The following DTX4 variants were observed in gnomAD, a reference collection of about 807,000 sequenced individuals.
The protein encoded by DTX4 is E3 ubiquitin-protein ligase DTX4.
DTX4 carries 28 observed loss-of-function variants against 57.6 expected under a neutral mutation model. The ratio of observed to expected loss-of-function variants is 0.49; its 90% confidence interval spans 0.36 to 0.67. The LOEUF is 0.67. Ranked by LOEUF, DTX4 falls within the 30% of genes least tolerant of loss-of-function variation. DTX4 has a pLI of 0.00. For missense variants in DTX4, 715 were observed against 836.8 expected (o/e 0.85, Z 1.80); for synonymous variants, 316 against 331.0 (o/e 0.95, Z 0.49).
At chr11:59,195,862 C>A (rs1862661130) in intron 7 of DTX4, among the ~76,000 whole-genome samples, 1 of 152,220 alleles carries the variant, frequency 6.6e-6, no homozygotes, top group South Asian at 2.1e-4. Context: ...GTGAATATAT[C>A]TGTAGAATAA....
chr11:59,193,569 T>G (rs1862626108), intron 6 of DTX4, among the ~76,000 whole-genome samples: 1 of 152,240 alleles, frequency 6.6e-6, no homozygotes, highest in South Asian at 2.1e-4. Context: ...TGTTCCCTAT[T>G]TGATGTCTAT....
At chr11:59,193,845 G>A (rs1862629730) in intron 6 of DTX4, among the ~76,000 whole-genome samples, 1 of 152,216 alleles carries the variant, frequency 6.6e-6, no homozygotes, top group Non-Finnish European at 1.5e-5. Flanking sequence ...CGAGTAGACT[G>A]GAGAAGTCCC....
chr11:59,178,312 A>G (rs1862420292), intron 1 of DTX4, among the ~76,000 whole-genome samples: 3 of 152,162 alleles, frequency 2.0e-5, no homozygotes, highest in Admixed American at 2.0e-4. Context: ...AAGTCATGGA[A>G]GGGATTTACG....
At chr11:59,188,016 T>A (rs1862548621) in intron 2 of DTX4, among the ~76,000 whole-genome samples, 1 of 152,234 alleles carries the variant, frequency 6.6e-6, no homozygotes, top group Non-Finnish European at 1.5e-5. Context: ...CTGGTCTGGA[T>A]CTGGGACCTT....
intron 1 of DTX4, 114 bp from the exon 2 acceptor site, chr11:59,181,625 A>C (rs1862462605): frequency 2.1e-6 from 3 of 1,423,882 alleles, no homozygotes; most frequent in African/African-American, 1.4e-5. Flanking sequence ...TGCCCAGTAC[A>C]CAGTAGGACT....
chr11:59,191,786 G>T (rs974350906), intron 5 of DTX4, among the ~76,000 whole-genome samples: 21 of 152,176 alleles, frequency 1.4e-4, no homozygotes, highest in African/African-American at 5.1e-4. Flanking sequence ...GCTCCTCAGT[G>T]GGCTTGTTGA....
intron 1 of DTX4, among the ~76,000 whole-genome samples, chr11:59,176,814 A>G (rs1286282318): frequency 6.6e-6 from 1 of 152,122 alleles, no homozygotes; most frequent in African/African-American, 2.4e-5. Flanking sequence ...AACATCCTCA[A>G]TCCCTATCCT....
At position 59,172,153 on chromosome 11, in the gene DTX4, C is replaced by G. The variant is rs1862332046; in HGVS notation, c.-443C>G. Reference sequence around the variant, plus strand: ...TGCCATTCCGAGCGCGGCCGTGCGGCGAGATCCCACCCCGGCGTCTGCAGA... The same window carrying G: ...TGCCATTCCGAGCGCGGCCGTGCGGGGAGATCCCACCCCGGCGTCTGCAGA... On this transcript the variant is annotated 5_prime_UTR_variant, in exon 1 of 9. Coordinates refer to ENST00000227451, the MANE Select transcript of DTX4 (RefSeq NM_015177.2). Among the ~76,000 whole-genome samples the G allele has an allele frequency of 6.6e-6, 1 of 151,948 alleles. No homozygotes were observed. The highest frequency in any genetic ancestry group is 1.5e-5 in the Non-Finnish European group (1 of 67,966).
In DTX4 at chr11:59,179,870, TTCTC is replaced by T. The variant is rs569279269; in HGVS notation, c.212-1861_212-1858del. ...CCTGTGTCAGTTATATAGAAACTTT[TTCTC>T]TCTCTCTTTCTTACACCCCCTACCA... On this transcript the variant is annotated intron_variant, in intron 1 of 8. Coordinates refer to ENST00000227451, the MANE Select transcript of DTX4 (RefSeq NM_015177.2). Among the ~76,000 whole-genome samples the T allele has an allele frequency of 4.0e-5, 6 of 151,500 alleles. No homozygotes were observed. In the South Asian group the frequency reaches 1.3e-3, roughly 32 times the overall value.
At chr11:59,179,737 C>T (rs980948961) in intron 1 of DTX4, among the ~76,000 whole-genome samples, 2 of 152,192 alleles carry the variant, frequency 1.3e-5, no homozygotes, top group Admixed American at 6.5e-5. Flanking sequence ...GCAGAGTGGG[C>T]GAGTCATCTC....
chr11:59,200,874 A>G (rs1465453288), intron 8 of DTX4, among the ~76,000 whole-genome samples: 2 of 152,182 alleles, frequency 1.3e-5, no homozygotes, highest in African/African-American at 4.8e-5. Context: ...TTTCTCTCCA[A>G]ATTTCCGCTG....
intron 4 of DTX4, among the ~76,000 whole-genome samples, chr11:59,190,517 C>T (rs1447171655): frequency 6.6e-6 from 1 of 152,114 alleles, no homozygotes; most frequent in African/African-American, 2.4e-5. Context: ...TTTAAGAGTC[C>T]AGTCCCCTGA....
At chr11:59,184,813 C>T (rs1029566008) in intron 2 of DTX4, among the ~76,000 whole-genome samples, 18 of 152,166 alleles carry the variant, frequency 1.2e-4, no homozygotes, top group Non-Finnish European at 2.2e-4. Flanking sequence ...GAGGGAGGCC[C>T]CTGCCTACTC....
In DTX4 at chr11:59,204,827, A is replaced by T; in HGVS notation, c.1778A>T (p.Asp593Val). 1 of 1,611,112 alleles carries T rather than the reference A, an allele frequency of 6.2e-7. No homozygotes were observed. Among genetic ancestry groups the T allele is most frequent in the Non-Finnish European group, 8.5e-7 (1 of 1,178,578 alleles). ...AATCTCACTGGCCATGGCTACCCAG[A>T]TGCCAATTACCTGGATAATGTGCTG... ...GSNLTGHGYPDANYLDNVLAE... is the reference protein window; with the variant it reads ...GSNLTGHGYPVANYLDNVLAE... The change falls in exon 9 of 9, where the codon GAT becomes GTT. Residue 593 changes from aspartate to valine, a missense_variant. Asp to Val is a radical substitution (Grantham distance 152, BLOSUM62 -3). Transcript: ENST00000227451.
chr11:59,176,783 C>T (rs567485098), intron 1 of DTX4, among the ~76,000 whole-genome samples: 1 of 152,184 alleles, frequency 6.6e-6, no homozygotes. Context: ...TTTCTTTCTC[C>T]TTCTTCATCC....
chr11:59,204,878 C>A lies in DTX4; in HGVS notation c.1829C>A (p.Ser610Tyr). 1 of 1,592,972 alleles carries A rather than the reference C, an allele frequency of 6.3e-7. No homozygotes were observed. Among genetic ancestry groups the A allele is most frequent in the Non-Finnish European group, 8.6e-7 (1 of 1,169,230 alleles). Residue 610 changes from serine (S) to tyrosine (Y), a missense_variant, in exon 9 of 9, where the codon TCT becomes TAT. Coordinates refer to ENST00000227451, the MANE Select transcript of DTX4 (RefSeq NM_015177.2). ...GCTGAACTGGCTGCCCAGGGCATCT[C>A]TGAGGACAGCACTGCCCAGGAGAAG... Reference protein sequence around the residue: ...VLAELAAQGISEDSTAQEKD With the variant: ...VLAELAAQGIYEDSTAQEKD
At position 59,195,215 on chromosome 11, in the gene DTX4, G is replaced by T. The variant is rs1862648732; in HGVS notation, c.1382G>T (p.Ser461Ile). ...AMYNNGNKDG[S>I]LQCPTCKTIY... ...CTGGCCTTGGCCCCTCAGGATGGAA[G>T]TTTGCAGTGTCCAACCTGCAAGACC... Residue 461 changes from serine to isoleucine, a missense_variant, in exon 7 of 9, where the codon AGT (serine) becomes ATT (isoleucine). Transcript: ENST00000227451. The T allele has an allele frequency of 6.2e-7, 1 of 1,614,006 alleles. No individual in the cohort carries two copies. The highest frequency in any genetic ancestry group is 8.5e-7 in the Non-Finnish European group (1 of 1,179,886).
intron 5 of DTX4, 37 bp from the exon 6 acceptor site, chr11:59,192,061 G>A (rs1466472977): frequency 2.5e-6 from 4 of 1,596,516 alleles, no homozygotes; most frequent in Non-Finnish European, 3.4e-6. Flanking sequence ...CTGAGTGAGA[G>A]CTGACAGCCT....
intron 1 of DTX4, among the ~76,000 whole-genome samples, chr11:59,178,885 G>A (rs1300553701): frequency 6.6e-6 from 1 of 152,100 alleles, no homozygotes; most frequent in Non-Finnish European, 1.5e-5. Flanking sequence ...AACTCTGGGG[G>A]AATGCATGAG....
Sources: gnomAD v4.1 joint callset for allele counts (sites outside exome capture counted in the v4.1 genomes callset) on GRCh38, gnomAD v4.1.1 for gene constraint, MANE v1.5 for transcripts, NCBI Gene and HGNC (gene_info 2026-07-23, HGNC 2026-07-21) for gene names.